FGF13: variants seen among roughly 807,000 people sequenced by gnomAD.
FGF13 encodes fibroblast growth factor 13, also known as fibroblast growth factor homologous factor 2.
FGF13 carries 2 observed loss-of-function variants against 19.5 expected under a neutral mutation model. The ratio of observed to expected loss-of-function variants is 0.10; its 90% CI spans 0.04 to 0.32. The LOEUF (loss-of-function observed/expected upper bound fraction) is 0.32, where lower values mean the gene tolerates loss of function less well. Among genes scored for constraint, FGF13 ranks in the 10% least tolerant of loss-of-function variants. The probability of loss-of-function intolerance (pLI) is 1.00; values close to 1 mark genes in which losing one functional copy is unlikely to be tolerated. For missense variants in FGF13, 113 were observed against 192.7 expected, an observed-to-expected ratio of 0.59 and a Z score of 2.45; for synonymous variants, 72 against 76.9, an observed-to-expected ratio of 0.94 and a Z score of 0.33.
At chrX:138,818,156 T>C (rs1330984212) in intron 3 of FGF13, among the ~76,000 whole-genome samples, 1 of 111,102 alleles carries the variant, frequency 9.0e-6, no homozygotes, top group Admixed American at 9.7e-5. Flanking sequence ...GGGTTAAAAT[T>C]TGTGGTTGTG....
chrX:138,665,129 C>T (rs1187215231), intron 3 of FGF13, among the ~76,000 whole-genome samples: 3 of 110,451 alleles, frequency 2.7e-5, no homozygotes, highest in African/African-American at 6.6e-5. Context: ...CCAGAGATCA[C>T]CCCAAAACAA....
chrX:138,616,876 G>A lies in FGF13; in HGVS notation c.*15974C>T, dbSNP rs1602626814. Reference sequence around the variant, plus strand: ...TGCACTCTCTGAAACAATGGCCTGAGCTGTATGTTGGCCCCTTTTAGCCAC... The same window carrying A: ...TGCACTCTCTGAAACAATGGCCTGAACTGTATGTTGGCCCCTTTTAGCCAC... On this transcript the variant is annotated 3_prime_UTR_variant, in exon 5 of 5. Coordinates refer to ENST00000315930, the MANE Select transcript of FGF13 (RefSeq NM_004114.5). 1 of 112,181 alleles carries A rather than the reference G, an allele frequency of 8.9e-6. No individual in the cohort carries two copies. Among genetic ancestry groups the A allele is most frequent in the Middle Eastern group, 4.6e-3 (1 of 218 alleles). The allele number at this position is 112,181 out of a possible 1,213,427, so 9.2% of individuals were successfully genotyped here.
chrX:139,074,949 G>A (rs2092387433), intron 1 of FGF13, among the ~76,000 whole-genome samples: 1 of 100,511 alleles, frequency 9.9e-6, no homozygotes, highest in Admixed American at 1.1e-4. Flanking sequence ...ACCTCAACTC[G>A]AGTTTCACTG....
chrX:138,956,255 A>G (rs755029451), intron 1 of FGF13, among the ~76,000 whole-genome samples: 5 of 111,996 alleles, frequency 4.5e-5, no homozygotes, highest in African/African-American at 1.6e-4. Flanking sequence ...TGAATAAAAT[A>G]CATGTTGTAA....
At chrX:139,047,132 CCCTGGCT>C (rs2092289969) in intron 1 of FGF13, among the ~76,000 whole-genome samples, 1 of 112,108 alleles carries the variant, frequency 8.9e-6, no homozygotes, top group East Asian at 2.8e-4. Context: ...AGACTGAATT[CCCTGGCT>C]ACTTGAAGTC....
intron 1 of FGF13, among the ~76,000 whole-genome samples, chrX:138,724,626 A>G (rs1484158700): frequency 2.7e-5 from 3 of 112,133 alleles, no homozygotes; most frequent in African/African-American, 9.7e-5. Flanking sequence ...TTTGTAAACT[A>G]GGCGAATTGC....
At chrX:138,784,410 C>T (rs2090676913) in intron 3 of FGF13, among the ~76,000 whole-genome samples, 1 of 109,696 alleles carries the variant, frequency 9.1e-6, no homozygotes, top group Non-Finnish European at 1.9e-5. Flanking sequence ...TAATCCACTA[C>T]AATGAATCCT....
chrX:138,961,652 C>T (rs2091870734), intron 1 of FGF13, among the ~76,000 whole-genome samples: 3 of 111,672 alleles, frequency 2.7e-5, no homozygotes, highest in Admixed American at 9.5e-5. Context: ...GAGATATAGA[C>T]CAATGGAACA....
chrX:138,914,205 CA>C (rs1272477547), intron 1 of FGF13, among the ~76,000 whole-genome samples: 1 of 106,903 alleles, frequency 9.4e-6, no homozygotes, highest in African/African-American at 3.4e-5. Context: ...AGCTCATGGC[CA>C]ATAAAGTATT....
chrX:139,006,181 C>T (rs1463250970), intron 1 of FGF13, among the ~76,000 whole-genome samples: 1 of 111,310 alleles, frequency 9.0e-6, no homozygotes, highest in Non-Finnish European at 1.9e-5. Flanking sequence ...ACCCTAAAAG[C>T]AGCATGAGAA....
chrX:139,166,406 A>G (rs1046686348), intron 1 of FGF13, among the ~76,000 whole-genome samples: 1 of 111,795 alleles, frequency 8.9e-6, no homozygotes, highest in Non-Finnish European at 1.9e-5. Context: ...CCCCAGCCAT[A>G]CTGAGCTGTG....
chrX:138,731,594 T>A (rs962412394), intron 1 of FGF13, among the ~76,000 whole-genome samples: 6 of 110,457 alleles, frequency 5.4e-5, no homozygotes, highest in African/African-American at 1.6e-4. Context: ...AGAAGAAAGT[T>A]ATAAAATAAA....
At chrX:139,125,091 G>A (rs1367640766) in intron 1 of FGF13, among the ~76,000 whole-genome samples, 2 of 111,164 alleles carry the variant, frequency 1.8e-5, no homozygotes, top group Admixed American at 9.5e-5. Flanking sequence ...TCAAAATTAT[G>A]AGTCCCAAAT....
Position 138,624,493 on chromosome X carries a change from T to C in FGF13, c.*8357A>G, listed in dbSNP as rs1039309148. On this transcript the variant is annotated 3_prime_UTR_variant, in exon 5 of 5. Transcript: ENST00000315930. Reference sequence around the variant, plus strand: ...TTACTAGAATAAGAAATAATGTCTATGGCATTGGTCTTGGCAATAACTTTT... The same window carrying C: ...TTACTAGAATAAGAAATAATGTCTACGGCATTGGTCTTGGCAATAACTTTT... 20 of 112,546 alleles carry C rather than the reference T, an allele frequency of 1.8e-4. No homozygotes were observed. Among genetic ancestry groups the C allele is most frequent in the African/African-American group, 5.2e-4 (16 of 31,013 alleles). The allele number at this position is 112,546 out of a possible 1,213,427, so 9.3% of individuals were successfully genotyped here.
Position 139,088,124 on chromosome X carries a change from T to A in FGF13, c.-113+115292A>T, listed in dbSNP as rs1006262869. On this transcript the variant is annotated intron_variant, in intron 1 of 2. Transcript: ENST00000421460. ...TATGTTATTCCTGCAAAATGGCAGG[T>A]TTTCGAAAACATGCTGGGCAGCTAT... Among the ~76,000 whole-genome samples, 8 of 111,461 alleles carry A rather than the reference T, an allele frequency of 7.2e-5. No homozygotes were observed. The Admixed American group carries it at 7.7e-4, about 11-fold the overall frequency.
intron 1 of FGF13, among the ~76,000 whole-genome samples, chrX:139,001,421 T>A (rs2092072816): frequency 9.0e-6 from 1 of 110,998 alleles, no homozygotes; most frequent in African/African-American, 3.3e-5. Context: ...AGGAGAAAAT[T>A]TTTGCAATCT....
At chrX:139,161,168 C>A (rs2084029870) in intron 1 of FGF13, among the ~76,000 whole-genome samples, 1 of 111,953 alleles carries the variant, frequency 8.9e-6, no homozygotes, top group South Asian at 3.7e-4. Context: ...GGGCTTCATC[C>A]CTGGGATGCA....
intron 1 of FGF13, among the ~76,000 whole-genome samples, chrX:139,014,917 A>C (rs2092146623): frequency 1.8e-5 from 2 of 111,590 alleles, no homozygotes; most frequent in African/African-American, 6.5e-5. Context: ...TTGAACATAC[A>C]AAATCAATTA....
intron 1 of FGF13, among the ~76,000 whole-genome samples, chrX:139,007,953 G>A: frequency 8.9e-6 from 1 of 112,837 alleles, no homozygotes; most frequent in Non-Finnish European, 1.9e-5. Flanking sequence ...GTGCTGTTGT[G>A]GGGGCATAGT....
Sources: allele counts gnomAD v4.1 joint callset (sites outside exome capture counted in the v4.1 genomes callset), GRCh38; gene constraint gnomAD v4.1.1; transcripts MANE v1.5; gene names NCBI Gene and HGNC (gene_info 2026-07-23, HGNC 2026-07-21).